LIPA: variants seen among roughly 807,000 people sequenced by gnomAD.
LIPA encodes lipase A, lysosomal acid type.
Under a neutral mutation model 40.6 loss-of-function variants are expected in LIPA, and 26 were observed. That is an observed-to-expected ratio of 0.64 (90% CI 0.47 to 0.89). The LOEUF (loss-of-function observed/expected upper bound fraction) is 0.89. Among genes scored for constraint, LIPA ranks in the 40% least tolerant of loss-of-function variants. The pLI, the probability that LIPA is intolerant of heterozygous loss-of-function variation, is 0.00. For missense variants in LIPA, 455 were observed against 479.6 expected (o/e 0.95, Z 0.48); for synonymous variants, 188 against 168.4 (o/e 1.12, Z -0.90).
chr10:89,289,318 A>G (rs1229304008), intron 1 of LIPA, among the ~76,000 whole-genome samples: 1 of 152,222 alleles, frequency 6.6e-6, no homozygotes, highest in African/African-American at 2.4e-5. Context: ...CCATCATGGA[A>G]ATCTATCCTT....
intron 2 of LIPA, among the ~76,000 whole-genome samples, chr10:89,367,382 A>G (rs374528535): frequency 1.0e-3 from 152 of 152,340 alleles, no homozygotes; most frequent in African/African-American, 3.5e-3. Context: ...CACTTCTCCA[A>G]TCAGACAGCT....
At chr10:89,401,066 T>C (rs1025574894) in intron 2 of LIPA, among the ~76,000 whole-genome samples, 1 of 152,130 alleles carries the variant, frequency 6.6e-6, no homozygotes, top group Non-Finnish European at 1.5e-5. Context: ...ATTACATTGA[T>C]TAATTTTTGT....
intron 1 of LIPA, among the ~76,000 whole-genome samples, chr10:89,249,698 T>G (rs941896785): frequency 6.6e-6 from 1 of 152,198 alleles, no homozygotes; most frequent in Non-Finnish European, 1.5e-5. Flanking sequence ...CTAATCTATA[T>G]TCACAGAAAG....
chr10:89,322,604 G>A (rs930979036), intron 1 of LIPA, among the ~76,000 whole-genome samples: 21 of 145,924 alleles, frequency 1.4e-4, no homozygotes, highest in Non-Finnish European at 2.5e-4. Context: ...CTGAGGCAGA[G>A]AGCCCCCCAG....
At chr10:89,374,666 T>G (rs1377956909) in intron 2 of LIPA, among the ~76,000 whole-genome samples, 2 of 152,228 alleles carry the variant, frequency 1.3e-5, no homozygotes, top group African/African-American at 2.4e-5. Flanking sequence ...TAGAGTTGAT[T>G]CAGGGCTAGT....
Position 89,315,930 on chromosome 10 carries a change from T to C in LIPA, c.-2+26681A>G, listed in dbSNP as rs545897574. Reference sequence around the variant, plus strand: ...GGACAAAACTACTATTTTTTTTTATTATACTTTAAGTTTTAGGGTACATGT... The same window carrying C: ...GGACAAAACTACTATTTTTTTTTATCATACTTTAAGTTTTAGGGTACATGT... On this transcript the variant is annotated intron_variant, in intron 1 of 5. Transcript: ENST00000282673. Among the ~76,000 whole-genome samples, 270 of 152,346 alleles carry C rather than the reference T, an allele frequency of 1.8e-3. 1 individual carries two copies. Among genetic ancestry groups the C allele is most frequent in the African/African-American group, 6.3e-3 (262 of 41,578 alleles).
intron 1 of LIPA, among the ~76,000 whole-genome samples, chr10:89,324,590 G>T (rs1351141681): frequency 2.6e-5 from 4 of 152,118 alleles, no homozygotes; most frequent in Non-Finnish European, 4.4e-5. Context: ...GCAACTGACA[G>T]ATGGGAGAAA....
intron 2 of LIPA, among the ~76,000 whole-genome samples, chr10:89,349,010 C>T (rs911213690): frequency 3.9e-5 from 6 of 152,154 alleles, no homozygotes; most frequent in African/African-American, 1.4e-4. Flanking sequence ...TCAGGAAATG[C>T]CACTCCAAAA....
chr10:89,334,807 T>C (rs558066150), intron 1 of LIPA, among the ~76,000 whole-genome samples: 3 of 152,232 alleles, frequency 2.0e-5, no homozygotes, highest in African/African-American at 7.2e-5. Context: ...CTGTTCTTTA[T>C]CAAGTGACTG....
chr10:89,328,947 C>G (rs980377707), intron 1 of LIPA, among the ~76,000 whole-genome samples: 5 of 152,064 alleles, frequency 3.3e-5, no homozygotes, highest in Admixed American at 2.0e-4. Flanking sequence ...AAACATTTAC[C>G]AAAACTCATC....
chr10:89,217,509 T>A (rs552302397), intron 8 of LIPA, among the ~76,000 whole-genome samples: 1 of 152,254 alleles, frequency 6.6e-6, no homozygotes, highest in African/African-American at 2.4e-5. Context: ...CTTTGTCACA[T>A]GTCCTTCAGC....
intron 2 of LIPA, among the ~76,000 whole-genome samples, chr10:89,358,745 A>C (rs903257712): frequency 6.6e-6 from 1 of 152,166 alleles, no homozygotes; most frequent in South Asian, 2.1e-4. Flanking sequence ...GGACATAGAG[A>C]GTGGAATGTT....
chr10:89,313,578 C>T (rs1843526918), intron 1 of LIPA, among the ~76,000 whole-genome samples: 1 of 152,148 alleles, frequency 6.6e-6, no homozygotes, highest in Admixed American at 6.5e-5. Context: ...AACATAGGTT[C>T]ACACAAAACT....
chr10:89,392,627 GA>G, intron 2 of LIPA: 1 of 1,471,506 alleles, frequency 6.8e-7, no homozygotes, highest in Non-Finnish European at 9.5e-7. Context: ...AAACGTAACT[GA>G]AAATCCACAA....
intron 1 of LIPA, chr10:89,338,921 C>T: frequency 6.2e-7 from 1 of 1,614,154 alleles, no homozygotes; most frequent in Non-Finnish European, 8.5e-7. Flanking sequence ...GCTGACCAAG[C>T]AGAAATCAGA....
chr10:89,390,131 CAT>C (rs1844235991), intron 2 of LIPA, among the ~76,000 whole-genome samples: 1 of 151,990 alleles, frequency 6.6e-6, no homozygotes, highest in Non-Finnish European at 1.5e-5. Flanking sequence ...GGATTACAGG[CAT>C]GTGCCACCAC....
chr10:89,383,125 T>C (rs764907356), intron 2 of LIPA, among the ~76,000 whole-genome samples: 3 of 152,218 alleles, frequency 2.0e-5, no homozygotes, highest in Non-Finnish European at 4.4e-5. Flanking sequence ...TACAAGATGA[T>C]TAGCATTTCC....
intron 1 of LIPA, chr10:89,293,613 C>G (rs1293023594): frequency 6.6e-6 from 1 of 152,018 alleles, no homozygotes; most frequent in Non-Finnish European, 1.5e-5. Context: ...CTGGTGAGAC[C>G]TCTCTTCCTG....
intron 2 of LIPA, among the ~76,000 whole-genome samples, chr10:89,409,070 C>A (rs751169539): frequency 2.0e-5 from 3 of 152,168 alleles, no homozygotes; most frequent in African/African-American, 7.2e-5. Context: ...TGAGCGGCTA[C>A]GGGAGGCCTT....
Sources: allele counts gnomAD v4.1 joint callset (sites outside exome capture counted in the v4.1 genomes callset), GRCh38; gene constraint gnomAD v4.1.1; transcripts MANE v1.5; gene names NCBI Gene and HGNC (gene_info 2026-07-23, HGNC 2026-07-21).